SH2D3C: variants seen among roughly 807,000 people sequenced by gnomAD.
SH2D3C encodes the protein SH2 domain-containing protein 3C.
Under a neutral mutation model 75.2 loss-of-function variants are expected in SH2D3C, and 25 were observed. The ratio of observed to expected loss-of-function variants is 0.33; its 90% CI spans 0.24 to 0.46. The LOEUF (loss-of-function observed/expected upper bound fraction) is 0.46. Among genes scored for constraint, SH2D3C ranks in the 20% least tolerant of loss-of-function variants. SH2D3C has a pLI of 1.00. For synonymous variants in SH2D3C, 450 were observed against 473.7 expected (o/e 0.95, Z 0.65); for missense variants, 933 against 1,165.3 (o/e 0.80, Z 2.90).
intron 2 of SH2D3C, chr9:127,771,155 G>A: frequency 6.7e-7 from 1 of 1,503,114 alleles, no homozygotes; most frequent in Non-Finnish European, 8.9e-7. Flanking sequence ...GCTCCCCGCT[G>A]GCCCTCCCCA....
In SH2D3C at chr9:127,744,968, C is replaced by A; in HGVS notation, c.1396G>T (p.Gly466Cys). 1 of 1,550,106 alleles carries A rather than the reference C, an allele frequency of 6.5e-7. No individual in the cohort carries two copies. Among genetic ancestry groups the A allele is most frequent in the Non-Finnish European group, 8.7e-7 (1 of 1,147,302 alleles). The stretch of plus-strand genomic sequence containing the variant: ...GTGTGGGAGGGGCTGGTGTGGGGGC[C>A]CTTGTCTGACTCCCCATGGGTCTTT... ...APKTHGESDK[G>C]PHTSPSHTLG... is the part of the protein sequence containing the mutation. Residue 466 changes from glycine (G) to cysteine (C), a missense_variant, in exon 7 of 12, where the codon GGC becomes TGC. Transcript: ENST00000314830.
At chr9:127,745,200 G>C (rs916630776) in intron 6 of SH2D3C, 101 bp from the exon 7 acceptor site, 1 of 981,218 alleles carries the variant, frequency 1.0e-6, no homozygotes, top group African/African-American at 1.6e-5. Context: ...CTCCTTGTAG[G>C]GAGTACAGAG....
Position 127,745,119 on chromosome 9 carries a change from G to A in SH2D3C, c.1265-20C>T, listed in dbSNP as rs201064494. 1 of 1,479,046 alleles carries A rather than the reference G, an allele frequency of 6.8e-7. No individual in the cohort carries two copies. The highest frequency in any genetic ancestry group is 8.9e-7 in the Non-Finnish European group (1 of 1,118,886). The allele number at this position is 1,479,046 out of a possible 1,614,324, so 91.6% of individuals were successfully genotyped here. A position where few individuals can be genotyped will look rare whatever the true frequency, so the allele number is the denominator to read the frequency against. On this transcript the variant is annotated intron_variant, in intron 6 of 11. Transcript: ENST00000314830. ...GGGTTACTGCAGAAAGGTAGAGAGA[G>A]AGGCCCCGTTATAGCAGCTCCCCAC...
At chr9:127,769,657 G>GAA (rs11368432) in intron 2 of SH2D3C, among the ~76,000 whole-genome samples, 7 of 88,388 alleles carry the variant, frequency 7.9e-5, no homozygotes, top group African/African-American at 2.1e-4. Context: ...ACTCCATCTC[G>GAA]AAAAAAAAAA....
At chr9:127,759,585 G>T (rs1247147856) in intron 3 of SH2D3C, among the ~76,000 whole-genome samples, 1 of 152,174 alleles carries the variant, frequency 6.6e-6, no homozygotes, top group African/African-American at 2.4e-5. Context: ...ATGGTCACTC[G>T]TGCTTGTATT....
intron 6 of SH2D3C, among the ~76,000 whole-genome samples, chr9:127,745,959 C>T (rs920434160): frequency 6.6e-6 from 1 of 152,192 alleles, no homozygotes; most frequent in African/African-American, 2.4e-5. Context: ...TTAATCCTTT[C>T]AATGTCCTAT....
At position 127,739,028 on chromosome 9, in the gene SH2D3C, G is replaced by A; in HGVS notation, c.2408-107C>T. ...GGGACCTCCCCTCAACTCCGCCAGG[G>A]ATCCAACAAGGTTTGTGAATCAACA... On this transcript the variant is annotated intron_variant, in intron 11 of 11. Transcript: ENST00000314830. This position sits in a 1 kb window ranked among gnomAD's most constrained non-coding sequence, Gnocchi z 4.3. The A allele has an allele frequency of 9.9e-7, 1 of 1,006,440 alleles. No individual in the cohort carries two copies. Among genetic ancestry groups the A allele is most frequent in the South Asian group, 2.0e-5 (1 of 49,032 alleles). The allele number at this position is 1,006,440 out of a possible 1,614,324, so 62.3% of individuals were successfully genotyped here. A position where few individuals can be genotyped will look rare whatever the true frequency, so the allele number is the denominator to read the frequency against.
At chr9:127,762,039 A>G in intron 2 of SH2D3C, 1 of 222,766 alleles carries the variant, frequency 4.5e-6, no homozygotes, top group Non-Finnish European at 8.6e-6. Flanking sequence ...TGCCTTCCCT[A>G]CCCCCTCCTC....
At chr9:127,767,405 G>A (rs1419293894) in intron 2 of SH2D3C, 1 of 1,132,962 alleles carries the variant, frequency 8.8e-7, no homozygotes, top group African/African-American at 1.6e-5. Context: ...CAGCTGCTCA[G>A]ACTAGAACCA....
intron 3 of SH2D3C, chr9:127,755,162 TGGGGCCAGGCTGCC>T: frequency 4.1e-6 from 5 of 1,216,536 alleles, no homozygotes; most frequent in Non-Finnish European, 5.1e-6. Flanking sequence ...TCGGTCATGG[TGGGGCCAGGCTGCC>T]GGGGCCGGGA....
intron 2 of SH2D3C, among the ~76,000 whole-genome samples, chr9:127,770,447 T>C (rs1384399663): frequency 1.3e-5 from 2 of 152,204 alleles, no homozygotes; most frequent in South Asian, 2.1e-4. Flanking sequence ...CCATCTGGGC[T>C]ACTGGGGAGA....
intron 3 of SH2D3C, among the ~76,000 whole-genome samples, chr9:127,755,989 A>G (rs1845369365): frequency 2.0e-5 from 3 of 152,178 alleles, no homozygotes; most frequent in Non-Finnish European, 4.4e-5. Flanking sequence ...TATTATTTTC[A>G]AGCTTCCTGT....
intron 2 of SH2D3C, among the ~76,000 whole-genome samples, chr9:127,764,955 T>C (rs1019833280): frequency 1.3e-5 from 2 of 152,130 alleles, no homozygotes; most frequent in Non-Finnish European, 2.9e-5. Flanking sequence ...GTGATCTGCC[T>C]GCCTCAGCCT....
intron 1 of SH2D3C, among the ~76,000 whole-genome samples, chr9:127,776,886 G>A (rs543548952): frequency 6.6e-6 from 1 of 152,302 alleles, no homozygotes; most frequent in Non-Finnish European, 1.5e-5. Flanking sequence ...GGCAAATGTG[G>A]CCGCTCTGCT....
rs373951203 is a variant in SH2D3C at position 127,749,178 on chromosome 9, C to T, written c.1139+33G>A. The T allele has an allele frequency of 4.4e-5, 65 of 1,477,600 alleles. No homozygotes were observed. The highest frequency in any genetic ancestry group is 8.0e-5 in the Admixed American group (4 of 49,704). The allele number at this position is 1,477,600 out of a possible 1,614,324, so 91.5% of individuals were successfully genotyped here. A position where few individuals can be genotyped will look rare whatever the true frequency, so the allele number is the denominator to read the frequency against. On this transcript the variant is annotated intron_variant, in intron 5 of 11. Coordinates refer to ENST00000314830, the MANE Select transcript of SH2D3C (RefSeq NM_170600.3). This position sits in a 1 kb window ranked among gnomAD's most constrained non-coding sequence, Gnocchi z 5.9. ...TTCTCACTAGCCCTCTCATTACCCA[C>T]AACCCCATTTGACAAATGGGGCCCT...
At chr9:127,752,645 G>A (rs904412684) in intron 3 of SH2D3C, among the ~76,000 whole-genome samples, 3 of 152,154 alleles carry the variant, frequency 2.0e-5, no homozygotes, top group African/African-American at 7.2e-5. Flanking sequence ...CATACTGCCT[G>A]GGTTTAGCCT....
intron 3 of SH2D3C, among the ~76,000 whole-genome samples, chr9:127,752,231 C>G (rs562467575): frequency 6.6e-6 from 1 of 152,304 alleles, no homozygotes; most frequent in African/African-American, 2.4e-5. Context: ...CCAATCCTGG[C>G]TGTGCCTTGT....
In SH2D3C at chr9:127,744,727, A is replaced by T. The variant is rs1309077930; in HGVS notation, c.1637T>A (p.Ile546Asn). 1 of 1,614,214 alleles carries T rather than the reference A, an allele frequency of 6.2e-7. No homozygotes were observed. The highest frequency in any genetic ancestry group is 2.2e-5 in the East Asian group (1 of 44,888). Reference protein sequence around the residue: ...GDWGKTFTVPIVEVTSSFNPA... With the variant: ...GDWGKTFTVPNVEVTSSFNPA... ...GTTGAAGGAAGAAGTGACTTCCACG[A>T]TGGGGACTGTGAAGGTCTTGCCCCA... The change falls in exon 7 of 12, where the codon ATC becomes AAC. Residue 546 changes from isoleucine to asparagine, a missense_variant. Physicochemically the swap from Ile to Asn is moderately radical, Grantham distance 149. Transcript: ENST00000314830.
At chr9:127,743,263 G>A (rs1244849978) in intron 7 of SH2D3C, among the ~76,000 whole-genome samples, 1 of 152,230 alleles carries the variant, frequency 6.6e-6, no homozygotes, top group Non-Finnish European at 1.5e-5. Context: ...AGCACTTTGG[G>A]AGGCCAAGGT....
Sources: allele counts gnomAD v4.1 joint callset (sites outside exome capture counted in the v4.1 genomes callset), GRCh38; gene constraint gnomAD v4.1.1; non-coding constraint Gnocchi (gnomAD v3.1); transcripts MANE v1.5; gene names NCBI Gene and HGNC (gene_info 2026-07-23, HGNC 2026-07-21).